Variants in IMMP2L observed in about 807,000 individuals in gnomAD.
IMMP2L encodes mitochondrial inner membrane protease subunit 2.
A neutral mutation model predicts 19.3 loss-of-function variants in IMMP2L; 18 were observed. That is an observed-to-expected ratio of 0.93 (90% CI 0.64 to 1.38). IMMP2L has a LOEUF of 1.38. Ranked by LOEUF, IMMP2L falls within the 40% of genes most tolerant of loss-of-function variation. The probability of loss-of-function intolerance (pLI) is 0.00; values close to 1 mark genes in which losing one functional copy is unlikely to be tolerated. For missense variants in IMMP2L, 233 were observed against 218.2 expected (o/e 1.07, Z -0.43); for synonymous variants, 76 against 73.0 (o/e 1.04, Z -0.21).
intron 4 of IMMP2L, among the ~76,000 whole-genome samples, chr7:110,950,509 C>T (rs10252294): frequency 2.6e-5 from 4 of 151,750 alleles, no homozygotes; most frequent in Non-Finnish European, 4.4e-5. Flanking sequence ...ATGGAAAACA[C>T]TATGGAGGTT....
intron 5 of IMMP2L, among the ~76,000 whole-genome samples, chr7:110,821,678 C>T (rs1464984353): frequency 6.6e-6 from 1 of 151,680 alleles, no homozygotes; most frequent in East Asian, 1.9e-4. Context: ...TTTGGGAGGC[C>T]GAGGTAGGCA....
At chr7:111,446,123 C>A (rs1293528016) in intron 3 of IMMP2L, among the ~76,000 whole-genome samples, 1 of 152,080 alleles carries the variant, frequency 6.6e-6, no homozygotes, top group Non-Finnish European at 1.5e-5. Context: ...GGCAGCAAGG[C>A]TGGGGGAGGG....
intron 3 of IMMP2L, among the ~76,000 whole-genome samples, chr7:111,005,977 T>A (rs1228203314): frequency 6.6e-6 from 1 of 151,822 alleles, no homozygotes; most frequent in Non-Finnish European, 1.5e-5. Context: ...GTTTTTTTTT[T>A]AAGCCATGGG....
At position 110,963,583 on chromosome 7, in the gene IMMP2L, C is replaced by A; in HGVS notation, c.240-18G>T. ...TAGGAGACCTAGAACAAGAAGATAA[C>A]ATTATACAATCAGTTATGTCTATGT... is the stretch of plus-strand genomic sequence containing the variant. On this transcript the variant is annotated intron_variant, in intron 3 of 5. Coordinates refer to ENST00000405709, the MANE Select transcript of IMMP2L (RefSeq NM_032549.4). 6.8e-7 allele frequency: 1 copy of A among 1,461,828 alleles called. No individual in the cohort carries two copies. The allele number at this position is 1,461,828 out of a possible 1,614,324, so 90.6% of individuals were successfully genotyped here.
At chr7:110,697,002 C>T (rs1232367258) in intron 5 of IMMP2L, among the ~76,000 whole-genome samples, 1 of 151,942 alleles carries the variant, frequency 6.6e-6, no homozygotes, top group Admixed American at 6.6e-5. Flanking sequence ...GTATGAGGGT[C>T]GAAATTCGAT....
At position 111,018,522 on chromosome 7, in the gene IMMP2L, A is replaced by G. The variant is rs535678030; in HGVS notation, c.240-54957T>C. ...TGTGGTTAAGATCTACAACGTAGAA[A>G]CATTTCAACAGTAACTAACACATGT... is the stretch of plus-strand genomic sequence containing the variant. On this transcript the variant is annotated intron_variant, in intron 3 of 5. Transcript: ENST00000405709. 5.3e-5 allele frequency among the ~76,000 whole-genome samples: 8 copies of G among 152,284 alleles called. 1 individual carries two copies. The highest frequency in any genetic ancestry group is 5.2e-4 in the Admixed American group (8 of 15,290).
chr7:110,690,112 C>T (rs530585190), intron 5 of IMMP2L, among the ~76,000 whole-genome samples: 6 of 152,278 alleles, frequency 3.9e-5, no homozygotes, highest in South Asian at 2.1e-4. Context: ...AGGCTTCTAT[C>T]GTGGCACCCA....
chr7:111,499,190 C>G (rs1220430204), intron 2 of IMMP2L, among the ~76,000 whole-genome samples: 1 of 152,076 alleles, frequency 6.6e-6, no homozygotes. Flanking sequence ...CCTCTGTTTG[C>G]GTATTTGCTG....
intron 3 of IMMP2L, among the ~76,000 whole-genome samples, chr7:111,467,580 C>A (rs1465993730): frequency 6.6e-6 from 1 of 152,090 alleles, no homozygotes; most frequent in African/African-American, 2.4e-5. Context: ...GTCTAGACTT[C>A]CTCGGGATTA....
chr7:111,373,575 T>C (rs930593774), intron 3 of IMMP2L, among the ~76,000 whole-genome samples: 1 of 152,070 alleles, frequency 6.6e-6, no homozygotes, highest in Admixed American at 6.6e-5. Context: ...ATTTGTCTGT[T>C]TTCTTGACAA....
chr7:111,304,112 C>T (rs1009189289), intron 3 of IMMP2L, among the ~76,000 whole-genome samples: 6 of 152,010 alleles, frequency 3.9e-5, no homozygotes, highest in Admixed American at 1.3e-4. Flanking sequence ...CGAATATTGG[C>T]CTTTGGGAAA....
intron 3 of IMMP2L, among the ~76,000 whole-genome samples, chr7:111,399,511 T>G (rs1333558183): frequency 1.3e-5 from 2 of 151,922 alleles, no homozygotes; most frequent in African/African-American, 4.8e-5. Flanking sequence ...TGCACCACCA[T>G]GCCTGCCTAA....
intron 3 of IMMP2L, among the ~76,000 whole-genome samples, chr7:111,328,453 T>G (rs1000231883): frequency 2.0e-5 from 3 of 151,836 alleles, no homozygotes; most frequent in Non-Finnish European, 2.9e-5. Flanking sequence ...TGCTCCTTAT[T>G]GGTACAAAAA....
intron 3 of IMMP2L, among the ~76,000 whole-genome samples, chr7:111,413,828 AG>A (rs916332498): frequency 6.6e-6 from 1 of 151,720 alleles, no homozygotes; most frequent in African/African-American, 2.4e-5. Context: ...TTGTTAGCAG[AG>A]GGTGCTGGAG....
chr7:110,928,660 A>G (rs549127379), intron 4 of IMMP2L, among the ~76,000 whole-genome samples: 5 of 152,230 alleles, frequency 3.3e-5, no homozygotes, highest in Admixed American at 3.3e-4. Flanking sequence ...CACTCCCAGC[A>G]CATGCCTTTT....
At chr7:111,507,633 A>G (rs1251874998) in intron 2 of IMMP2L, among the ~76,000 whole-genome samples, 2 of 152,118 alleles carry the variant, frequency 1.3e-5, no homozygotes, top group Non-Finnish European at 2.9e-5. Context: ...TCAATGCTAC[A>G]TATTTTAGGT....
intron 3 of IMMP2L, among the ~76,000 whole-genome samples, chr7:111,234,152 T>C (rs1453118847): frequency 6.6e-6 from 1 of 152,006 alleles, no homozygotes; most frequent in Non-Finnish European, 1.5e-5. Flanking sequence ...ATTTCCTTAA[T>C]TCTTCTTTTA....
At chr7:110,764,526 A>G (rs954763813) in intron 5 of IMMP2L, among the ~76,000 whole-genome samples, 4 of 152,132 alleles carry the variant, frequency 2.6e-5, no homozygotes, top group Non-Finnish European at 5.9e-5. Context: ...GCTTTTAAAT[A>G]ACTCACTGGT....
intron 4 of IMMP2L, among the ~76,000 whole-genome samples, chr7:110,923,240 A>C (rs2129550723): frequency 6.6e-6 from 1 of 152,332 alleles, no homozygotes; most frequent in South Asian, 2.1e-4. Context: ...TTCTTAAGAA[A>C]AGTAACTCTT....
Sources: allele counts gnomAD v4.1 joint callset (sites outside exome capture counted in the v4.1 genomes callset), GRCh38; gene constraint gnomAD v4.1.1; transcripts MANE v1.5; gene names NCBI Gene and HGNC (gene_info 2026-07-23, HGNC 2026-07-21).